Variants in TP63 observed in about 807,000 individuals in gnomAD.
TP63 encodes the protein tumor protein p63.
Under a neutral mutation model 82.8 loss-of-function variants are expected in TP63, and 17 were observed. That is an observed-to-expected ratio of 0.21 (90% confidence interval 0.14 to 0.31). TP63 has a LOEUF of 0.31. TP63 is among the 10% of genes least tolerant of loss of function. The pLI, the probability that TP63 is intolerant of heterozygous loss-of-function variation, is 1.00. For missense variants in TP63, 648 were observed against 895.3 expected (o/e 0.72, Z 3.52); for synonymous variants, 330 against 321.7 (o/e 1.03, Z -0.28).
chr3:189,615,986 C>T, the TP63 span, among the ~76,000 whole-genome samples: 1 of 152,144 alleles, frequency 6.6e-6, no homozygotes, highest in Admixed American at 6.6e-5. Context: ...CTGAGCCTGG[C>T]GTTGCTGAAG....
intron 1 of TP63, among the ~76,000 whole-genome samples, chr3:189,699,146 T>G (rs1358586877): frequency 6.6e-6 from 1 of 152,166 alleles, no homozygotes; most frequent in Non-Finnish European, 1.5e-5. Flanking sequence ...GAGCATTTCC[T>G]CTGTCCAAAG....
At chr3:189,620,911 T>C in the TP63 span, among the ~76,000 whole-genome samples, 2 of 152,342 alleles carry the variant, frequency 1.3e-5, no homozygotes, top group East Asian at 3.9e-4. Flanking sequence ...CATCAGGAAA[T>C]TGAGACACAT....
At chr3:189,672,706 A>AAGG (rs1560100150) in intron 1 of TP63, among the ~76,000 whole-genome samples, 6 of 138,132 alleles carry the variant, frequency 4.3e-5, no homozygotes, top group Non-Finnish European at 9.7e-5. Flanking sequence ...GGAAGGAAGG[A>AAGG]AAGAAGGAAG....
the TP63 span, among the ~76,000 whole-genome samples, chr3:189,606,904 T>TA: frequency 6.6e-6 from 1 of 152,282 alleles, no homozygotes; most frequent in Admixed American, 6.5e-5. Flanking sequence ...ATGGCACCCA[T>TA]ATAAATGTGA....
intron 1 of TP63, among the ~76,000 whole-genome samples, chr3:189,686,192 A>C (rs1716421399): frequency 6.6e-6 from 1 of 152,290 alleles, no homozygotes; most frequent in Non-Finnish European, 1.5e-5. Context: ...GTCCAGGTTC[A>C]GGCCTCCATC....
intron 10 of TP63, among the ~76,000 whole-genome samples, chr3:189,874,338 C>T (rs1489206109): frequency 6.6e-6 from 1 of 152,206 alleles, no homozygotes; most frequent in Admixed American, 6.5e-5. Context: ...TCCCAGAGTG[C>T]TGGGATTACA....
chr3:189,877,133 G>A (rs1191272265), intron 10 of TP63, among the ~76,000 whole-genome samples: 2 of 152,140 alleles, frequency 1.3e-5, no homozygotes, highest in East Asian at 1.9e-4. Context: ...ATCGAAGATA[G>A]ACTTTACAGA....
rs527770984 is a variant in TP63 at position 189,855,700 on chromosome 3, ATG to A, written c.580-8518_580-8517del. On this transcript the variant is annotated intron_variant, in intron 4 of 13. Transcript: ENST00000264731. ...ATATGCCCCTAGTTTGTGTGTATAT[ATG>A]TGTGTGTGTGTGTATGTATGTATGT... is the stretch of plus-strand genomic sequence containing the variant. Among the ~76,000 whole-genome samples, 86 of 151,486 alleles carry A rather than the reference ATG, an allele frequency of 5.7e-4. 1 individual carries two copies. Among genetic ancestry groups the A allele is most frequent in the African/African-American group, 1.6e-3 (68 of 41,370 alleles).
At chr3:189,777,845 C>CTTCT (rs1723928358) in intron 3 of TP63, among the ~76,000 whole-genome samples, 1 of 37,750 alleles carries the variant, frequency 2.6e-5, no homozygotes, top group African/African-American at 1.2e-4. Context: ...TCTTCTTCTT[C>CTTCT]TTTTTTTTTT....
At chr3:189,779,251 C>T (rs946044393) in intron 3 of TP63, among the ~76,000 whole-genome samples, 10 of 152,168 alleles carry the variant, frequency 6.6e-5, no homozygotes, top group African/African-American at 2.4e-4. Context: ...GACATTATTA[C>T]AAAATCGTCT....
chr3:189,664,210 A>G (rs1714177426), intron 1 of TP63, among the ~76,000 whole-genome samples: 2 of 152,156 alleles, frequency 1.3e-5, no homozygotes, highest in African/African-American at 4.8e-5. Context: ...AGGCACTTGG[A>G]CATGTGAACA....
intron 3 of TP63, among the ~76,000 whole-genome samples, chr3:189,769,017 G>A (rs1026559346): frequency 6.6e-6 from 1 of 152,134 alleles, no homozygotes; most frequent in African/African-American, 2.4e-5. Flanking sequence ...CATCAGCCAA[G>A]TTATTTCATC....
At chr3:189,725,582 A>C (rs1419124528) in intron 1 of TP63, among the ~76,000 whole-genome samples, 1 of 152,110 alleles carries the variant, frequency 6.6e-6, no homozygotes, top group African/African-American at 2.4e-5. Flanking sequence ...GACAGGTGAA[A>C]ATATATATTT....
intron 3 of TP63, among the ~76,000 whole-genome samples, chr3:189,801,994 C>T (rs1726360030): frequency 6.6e-6 from 1 of 152,118 alleles, no homozygotes; most frequent in South Asian, 2.1e-4. Flanking sequence ...GGTGTTTTAA[C>T]TTGACGTTTG....
chr3:189,887,618 G>A (rs1047806004), intron 11 of TP63, among the ~76,000 whole-genome samples: 3 of 152,162 alleles, frequency 2.0e-5, no homozygotes, highest in Admixed American at 1.3e-4. Context: ...AAAAAAAGTC[G>A]TGGTAAAAAT....
At chr3:189,711,826 C>T (rs867112930) in intron 1 of TP63, among the ~76,000 whole-genome samples, 1 of 152,136 alleles carries the variant, frequency 6.6e-6, no homozygotes, top group African/African-American at 2.4e-5. Context: ...CCAGCTGGAT[C>T]CTTACACTGA....
At chr3:189,810,874 A>T (rs1490515431) in intron 4 of TP63, among the ~76,000 whole-genome samples, 1 of 151,716 alleles carries the variant, frequency 6.6e-6, no homozygotes, top group Admixed American at 6.6e-5. Flanking sequence ...AAAAAAAAAA[A>T]ATTAAAGTTA....
chr3:189,672,089 A>C (rs1233249083), intron 1 of TP63, among the ~76,000 whole-genome samples: 1 of 152,232 alleles, frequency 6.6e-6, no homozygotes, highest in South Asian at 2.1e-4. Context: ...TCAAGTGATA[A>C]ATATATTAGT....
intron 1 of TP63, among the ~76,000 whole-genome samples, chr3:189,675,166 T>C (rs1053456025): frequency 2.0e-5 from 3 of 152,078 alleles, no homozygotes; most frequent in African/African-American, 7.2e-5. Context: ...ACTGGCTCTC[T>C]GGAGTCTTTT....
Sources: allele counts gnomAD v4.1 joint callset (sites outside exome capture counted in the v4.1 genomes callset), GRCh38; gene constraint gnomAD v4.1.1; transcripts MANE v1.5; gene names NCBI Gene and HGNC (gene_info 2026-07-23, HGNC 2026-07-21).